The following LARP1B variants were observed in gnomAD, a reference collection of about 807,000 sequenced individuals.
LARP1B encodes the protein La ribonucleoprotein 1B.
In LARP1B, 76 loss-of-function variants were observed where a neutral mutation model predicts 114.2. That is an observed-to-expected ratio of 0.67 (90% confidence interval 0.55 to 0.81). LARP1B has a LOEUF of 0.81. Among genes scored for constraint, LARP1B ranks in the 30% least tolerant of loss-of-function variants. LARP1B has a pLI of 0.00. For missense variants in LARP1B, 1,014 were observed against 1,075.8 expected (o/e 0.94, Z 0.80); for synonymous variants, 345 against 348.0 (o/e 0.99, Z 0.10).
intron 11 of LARP1B, among the ~76,000 whole-genome samples, chr4:128,148,380 G>A (rs1233702178): frequency 1.3e-5 from 2 of 151,522 alleles, no homozygotes; most frequent in African/African-American, 2.4e-5. Context: ...GAAGTGAGCC[G>A]AGATTGCACC....
At chr4:128,221,051 A>T (rs1023961213) in intron 7 of LARP1B, among the ~76,000 whole-genome samples, 1 of 152,182 alleles carries the variant, frequency 6.6e-6, no homozygotes, top group Non-Finnish European at 1.5e-5. Context: ...ATAAATCAAG[A>T]TTGGATTCTT....
In LARP1B at chr4:128,098,328, G is replaced by A. The variant is rs778170452; in HGVS notation, c.811G>A (p.Glu271Lys). ...CACTACAAACCTTAATCTCATCTTA[G>A]AGGTAATTGCTCATTTGATGAACAA... ...ALTTNLNLILEALKDSTEVEI... is the reference protein window; with the variant it reads ...ALTTNLNLILKALKDSTEVEI... Residue 271 changes from glutamate (E) to lysine (K), a missense_variant and splice_region_variant, in exon 8 of 20, where the codon GAG becomes AAG. Glu to Lys is a moderately conservative substitution (Grantham distance 56). Transcript: ENST00000326639. 6.2e-7 allele frequency: 1 copy of A among 1,605,604 alleles called. No individual in the cohort carries two copies. Among genetic ancestry groups the A allele is most frequent in the Non-Finnish European group, 8.5e-7 (1 of 1,175,272 alleles).
chr4:128,096,913 ATTG>A (rs1227846290), intron 7 of LARP1B, among the ~76,000 whole-genome samples: 1 of 141,224 alleles, frequency 7.1e-6, no homozygotes. Context: ...GTCTTTTATT[ATTG>A]TTTTTAGACA....
intron 11 of LARP1B, among the ~76,000 whole-genome samples, chr4:128,161,445 T>C (rs1041015359): frequency 1.3e-5 from 2 of 152,204 alleles, no homozygotes; most frequent in African/African-American, 4.8e-5. Context: ...TGAGTCTCTT[T>C]GCTGCAGCTA....
intron 1 of LARP1B, chr4:128,062,362 C>A: frequency 1.2e-6 from 1 of 818,244 alleles, no homozygotes; most frequent in African/African-American, 1.9e-5. Context: ...GTAATTTGTT[C>A]CAAGGTGTCA....
intron 1 of LARP1B, among the ~76,000 whole-genome samples, chr4:128,068,680 T>C (rs1028264043): frequency 3.9e-5 from 6 of 152,148 alleles, no homozygotes; most frequent in African/African-American, 1.4e-4. Context: ...CCCAAAGTGC[T>C]GCTATTACAG....
intron 11 of LARP1B, among the ~76,000 whole-genome samples, chr4:128,149,525 A>G (rs539362034): frequency 2.0e-5 from 3 of 152,336 alleles, no homozygotes; most frequent in South Asian, 2.1e-4. Flanking sequence ...CGTGAGAATG[A>G]AAAAGTGCCA....
chr4:128,197,412 T>G (rs1031649680), intron 15 of LARP1B, among the ~76,000 whole-genome samples: 11 of 152,186 alleles, frequency 7.2e-5, no homozygotes, highest in African/African-American at 1.9e-4. Flanking sequence ...CATTTTTTTA[T>G]CAGCTGGGCG....
rs1342733886 is a variant in LARP1B at position 128,135,940 on chromosome 4, A to AAATTATTTT, written c.1524+13755_1524+13763dup. Among the ~76,000 whole-genome samples the AAATTATTTT allele has an allele frequency of 2.0e-5, 3 of 152,246 alleles. No individual in the cohort carries two copies. In the South Asian group the frequency reaches 6.2e-4, roughly 32 times the overall value. ...GTGATGTGTTTTTTAACATTATTAA[A>AAATTATTTT]AATTATTTTAAAAATCCAACTACAT... On this transcript the variant is annotated intron_variant, in intron 11 of 19. Coordinates refer to ENST00000326639, the MANE Select transcript of LARP1B (RefSeq NM_018078.4).
At chr4:128,131,965 A>C (rs1791708677) in intron 11 of LARP1B, among the ~76,000 whole-genome samples, 4 of 152,352 alleles carry the variant, frequency 2.6e-5, no homozygotes, top group Admixed American at 1.3e-4. Context: ...CTGGGAATGT[A>C]AAATGGTGCA....
intron 11 of LARP1B, chr4:128,123,442 AG>A: frequency 1.1e-6 from 1 of 903,790 alleles, no homozygotes; most frequent in Non-Finnish European, 1.3e-6. Flanking sequence ...ACTAATAATC[AG>A]TTAAAATTAT....
chr4:128,164,254 T>C (rs1011202913), intron 12 of LARP1B, among the ~76,000 whole-genome samples: 30 of 152,222 alleles, frequency 2.0e-4, no homozygotes, highest in African/African-American at 7.0e-4. Flanking sequence ...CTTTAAACTG[T>C]AAACTTTTAA....
chr4:128,098,747 G>GTGTGTGTATATATATATATATATA lies in LARP1B; in HGVS notation c.813+418_813+419insGTGTGTATATATATATATATATAT. Among the ~76,000 whole-genome samples the GTGTGTGTATATATATATATATATA allele has an allele frequency of 1.0e-3, 16 of 15,584 alleles. 1 individual carries two copies. Among genetic ancestry groups the GTGTGTGTATATATATATATATATA allele is most frequent in the Non-Finnish European group, 1.2e-3 (9 of 7,730 alleles). The allele number at this position is 15,584 out of a possible 152,430, so 10.2% of individuals were successfully genotyped here. A position where few individuals can be genotyped will look rare whatever the true frequency, so the allele number is the denominator to read the frequency against. ...AGCATGTGTTCCTGTATATGTATGTGTATATATATATATATATATATTTTT... is the reference window on the plus strand; with the variant it reads ...AGCATGTGTTCCTGTATATGTATGTGTGTGTGTATATATATATATATATATATATATATATATATATATATTTTT... On this transcript the variant is annotated intron_variant, in intron 8 of 19. Transcript: ENST00000326639.
At chr4:128,189,392 C>G (rs1751496216) in intron 15 of LARP1B, among the ~76,000 whole-genome samples, 1 of 73,816 alleles carries the variant, frequency 1.4e-5, no homozygotes, top group Non-Finnish European at 2.6e-5. Context: ...TCTTCACTTT[C>G]AGACTATGTG....
chr4:128,096,263 G>C lies in LARP1B; in HGVS notation c.669-1923G>C, dbSNP rs543030602. On this transcript the variant is annotated intron_variant, in intron 7 of 19. Transcript: ENST00000326639. The stretch of plus-strand genomic sequence containing the variant: ...CCGCCTCGGCCTCCCAAAGTGCTGG[G>C]ATTACAGGCGTGAGCCACCGCGCCC... 9.2e-5 allele frequency among the ~76,000 whole-genome samples: 14 copies of C among 152,236 alleles called. No individual in the cohort carries two copies. The East Asian group carries it at 2.5e-3, about 27-fold the overall frequency.
At chr4:128,213,895 G>T (rs1272137214), downstream of LARP1B, among the ~76,000 whole-genome samples, 3 of 151,876 alleles carry the variant, frequency 2.0e-5, no homozygotes, top group Non-Finnish European at 4.4e-5. Flanking sequence ...GAGGTACCGG[G>T]TTCATCTCAC....
intron 5 of LARP1B, among the ~76,000 whole-genome samples, chr4:128,088,683 A>G (rs1270566088): frequency 6.6e-6 from 1 of 152,192 alleles, no homozygotes; most frequent in Non-Finnish European, 1.5e-5. Flanking sequence ...GTTCATGATC[A>G]GGTTTTTAAA....
At chr4:128,202,421 C>T (rs1212816605) in intron 17 of LARP1B, among the ~76,000 whole-genome samples, 1 of 152,196 alleles carries the variant, frequency 6.6e-6, no homozygotes. Flanking sequence ...TACCCATATA[C>T]ATACAAATTT....
At chr4:128,120,769 C>T (rs1442522975) in intron 10 of LARP1B, among the ~76,000 whole-genome samples, 1 of 149,538 alleles carries the variant, frequency 6.7e-6, no homozygotes, top group Non-Finnish European at 1.5e-5. Flanking sequence ...TGCACCTGGC[C>T]TAGCTGTTTT....
Sources: gnomAD v4.1 joint callset for allele counts (sites outside exome capture counted in the v4.1 genomes callset) on GRCh38, gnomAD v4.1.1 for gene constraint, MANE v1.5 for transcripts, NCBI Gene and HGNC (gene_info 2026-07-23, HGNC 2026-07-21) for gene names.